Variants in PCDH15 observed in about 807,000 individuals in gnomAD.
The protein encoded by PCDH15 is protocadherin related 15.
A neutral mutation model predicts 178.5 loss-of-function variants in PCDH15; 129 were observed. The ratio of observed to expected loss-of-function variants is 0.72; its 90% CI spans 0.63 to 0.84. PCDH15 has a LOEUF of 0.84. Among genes scored for constraint, PCDH15 ranks in the 40% least tolerant of loss-of-function variants. The pLI is 0.00. For synonymous variants in PCDH15, 800 were observed against 732.0 expected (o/e 1.09, Z -1.50); for missense variants, 2,230 against 2,099.9 (o/e 1.06, Z -1.21).
chr10:55,184,681 T>TACC (rs1272931376), intron 1 of PCDH15, among the ~76,000 whole-genome samples: 1 of 151,930 alleles, frequency 6.6e-6, no homozygotes, highest in Non-Finnish European at 1.5e-5. Context: ...ATTTAACACA[T>TACC]ACAGCTGTAG....
At chr10:53,998,210 C>G (rs7920872) in intron 20 of PCDH15, among the ~76,000 whole-genome samples, 1 of 151,938 alleles carries the variant, frequency 6.6e-6, no homozygotes, top group African/African-American at 2.4e-5. Flanking sequence ...AATTGTATCA[C>G]TAAAACCCAT....
At chr10:54,123,216 C>T (rs1005277180) in intron 15 of PCDH15, among the ~76,000 whole-genome samples, 2 of 152,070 alleles carry the variant, frequency 1.3e-5, no homozygotes, top group East Asian at 3.9e-4. Context: ...AAGAAACCAT[C>T]GACAGAGTGA....
At chr10:55,591,177 A>C (rs1198785831) in intron 2 of PCDH15, among the ~76,000 whole-genome samples, 1 of 152,078 alleles carries the variant, frequency 6.6e-6, no homozygotes, top group East Asian at 1.9e-4. Context: ...TATGATAGGC[A>C]GTCCTGGTGT....
At chr10:54,306,275 C>G (rs2060462504) in intron 8 of PCDH15, among the ~76,000 whole-genome samples, 3 of 151,900 alleles carry the variant, frequency 2.0e-5, no homozygotes, top group Non-Finnish European at 1.5e-5. Flanking sequence ...ATCAGGGGCC[C>G]TGTATTGATT....
chr10:54,770,260 G>A (rs1948949480), intron 1 of PCDH15, among the ~76,000 whole-genome samples: 1 of 152,036 alleles, frequency 6.6e-6, no homozygotes, highest in South Asian at 2.1e-4. Flanking sequence ...TTGATACCAT[G>A]ACATATTACA....
chr10:54,107,466 T>A (rs963627797), intron 15 of PCDH15, among the ~76,000 whole-genome samples: 3 of 152,188 alleles, frequency 2.0e-5, no homozygotes, highest in Non-Finnish European at 4.4e-5. Context: ...TGCAGTAGTA[T>A]TTGTGGCAGC....
At chr10:54,917,161 T>C (rs543673051) in intron 2 of PCDH15, among the ~76,000 whole-genome samples, 29 of 152,170 alleles carry the variant, frequency 1.9e-4, no homozygotes, top group Admixed American at 2.6e-4. Flanking sequence ...GGCTAGAACA[T>C]ATGTATTGTA....
At chr10:54,155,069 T>G (rs1337814272) in intron 13 of PCDH15, among the ~76,000 whole-genome samples, 2 of 152,316 alleles carry the variant, frequency 1.3e-5, no homozygotes, top group South Asian at 2.1e-4. Flanking sequence ...TAATTAAAAT[T>G]TAGCACAAAT....
chr10:54,884,267 G>T (rs911185503), intron 3 of PCDH15, among the ~76,000 whole-genome samples: 1 of 152,044 alleles, frequency 6.6e-6, no homozygotes, highest in Admixed American at 6.6e-5. Context: ...TAAATTTAGT[G>T]CCTGGGGATA....
At chr10:54,644,213 C>A (rs1165056118) in intron 2 of PCDH15, among the ~76,000 whole-genome samples, 1 of 151,038 alleles carries the variant, frequency 6.6e-6, no homozygotes, top group Non-Finnish European at 1.5e-5. Flanking sequence ...TTAATCCTAA[C>A]ATACTTTTAT....
chr10:54,818,082 T>C (rs1952976886), intron 3 of PCDH15, among the ~76,000 whole-genome samples: 1 of 152,014 alleles, frequency 6.6e-6, no homozygotes, highest in South Asian at 2.1e-4. Flanking sequence ...TCACATCTCA[T>C]CTTTTTTTTC....
At chr10:53,968,711 A>T (rs1000061448) in intron 21 of PCDH15, among the ~76,000 whole-genome samples, 2 of 152,190 alleles carry the variant, frequency 1.3e-5, no homozygotes, top group Non-Finnish European at 2.9e-5. Context: ...GCTGTTCTGC[A>T]GCCTCCGCTA....
intron 1 of PCDH15, among the ~76,000 whole-genome samples, chr10:55,285,750 C>T (rs1236524260): frequency 6.6e-6 from 1 of 151,708 alleles, no homozygotes; most frequent in Non-Finnish European, 1.5e-5. Flanking sequence ...AGATGTGGTA[C>T]CTCCCTGGAT....
chr10:55,111,714 A>C (rs958101400), intron 2 of PCDH15, among the ~76,000 whole-genome samples: 15 of 151,968 alleles, frequency 9.9e-5, no homozygotes, highest in African/African-American at 3.6e-4. Context: ...GTGGTGGTGC[A>C]TGCCTGTAAT....
chr10:55,410,411 T>C (rs951192036), intron 2 of PCDH15, among the ~76,000 whole-genome samples: 4 of 152,088 alleles, frequency 2.6e-5, no homozygotes, highest in South Asian at 2.1e-4. Flanking sequence ...TAATCTGATA[T>C]CATACTGGAT....
chr10:55,572,255 C>T (rs900843986), intron 2 of PCDH15, among the ~76,000 whole-genome samples: 6 of 151,510 alleles, frequency 4.0e-5, no homozygotes, highest in African/African-American at 9.7e-5. Flanking sequence ...AAAGGACTGA[C>T]TTATGATATT....
At chr10:54,144,322 G>C (rs12242264) in intron 14 of PCDH15, among the ~76,000 whole-genome samples, 2,341 of 152,154 alleles carry the variant, frequency 0.015, 75 homozygotes, top group African/African-American at 0.054. Flanking sequence ...GATAAACATA[G>C]AAATTGACCC....
At chr10:54,368,858 A>T in intron 5 of PCDH15, among the ~76,000 whole-genome samples, 1 of 151,968 alleles carries the variant, frequency 6.6e-6, no homozygotes, top group Non-Finnish European at 1.5e-5. Context: ...ATGTAGATGG[A>T]TCTAGGCAAT....
intron 3 of PCDH15, among the ~76,000 whole-genome samples, chr10:54,394,033 A>G (rs1950878563): frequency 6.6e-6 from 1 of 152,144 alleles, no homozygotes; most frequent in Non-Finnish European, 1.5e-5. Context: ...AGAAGAAAGA[A>G]AAAGGAAGGT....
Sources: gnomAD v4.1 joint callset for allele counts (sites outside exome capture counted in the v4.1 genomes callset) on GRCh38, gnomAD v4.1.1 for gene constraint, MANE v1.5 for transcripts, NCBI Gene and HGNC (gene_info 2026-07-23, HGNC 2026-07-21) for gene names.